CDK14: variants seen among roughly 807,000 people sequenced by gnomAD.
The protein encoded by CDK14 is cyclin-dependent kinase 14.
A neutral mutation model predicts 60.7 loss-of-function variants in CDK14; 34 were observed. The ratio of observed to expected loss-of-function variants is 0.56; its 90% CI spans 0.43 to 0.75. The LOEUF (loss-of-function observed/expected upper bound fraction) is 0.75, where lower values mean the gene tolerates loss of function less well. Among genes scored for constraint, CDK14 ranks in the 30% least tolerant of loss-of-function variants. The pLI, the probability that CDK14 is intolerant of heterozygous loss-of-function variation, is 0.00. For synonymous variants in CDK14, 197 were observed against 203.7 expected (o/e 0.97, Z 0.28); for missense variants, 482 against 564.1 (o/e 0.85, Z 1.47).
chr7:90,670,456 C>G (rs909684221), intron 2 of CDK14, among the ~76,000 whole-genome samples: 2 of 152,110 alleles, frequency 1.3e-5, no homozygotes, highest in African/African-American at 4.8e-5. Context: ...ACTATTCTTG[C>G]ATTGCTATAA....
intron 10 of CDK14, among the ~76,000 whole-genome samples, chr7:91,041,016 A>C (rs1487399070): frequency 6.6e-6 from 1 of 152,132 alleles, no homozygotes; most frequent in Non-Finnish European, 1.5e-5. Flanking sequence ...TCTTTTTCTC[A>C]GTATCTTCTC....
At chr7:90,667,028 ATTTTAT>A (rs1234222407) in intron 2 of CDK14, among the ~76,000 whole-genome samples, 1 of 152,104 alleles carries the variant, frequency 6.6e-6, no homozygotes, top group Non-Finnish European at 1.5e-5. Context: ...TTGCTGAACT[ATTTTAT>A]TTTTATTTAT....
At chr7:91,077,495 G>C (rs1445119910) in intron 11 of CDK14, among the ~76,000 whole-genome samples, 5 of 151,722 alleles carry the variant, frequency 3.3e-5, no homozygotes, top group Non-Finnish European at 5.9e-5. Context: ...CTGTTGGGGA[G>C]TCAGGGGGCG....
chr7:90,786,766 T>TC (rs397732562), intron 4 of CDK14, among the ~76,000 whole-genome samples: 1 of 150,854 alleles, frequency 6.6e-6, no homozygotes, highest in Non-Finnish European at 1.5e-5. Context: ...TTTTTTTTTT[T>TC]AAATTAGCCT....
In CDK14 at chr7:90,906,057, C is replaced by T. The variant is rs374951986; in HGVS notation, c.702+6704C>T. On this transcript the variant is annotated intron_variant, in intron 7 of 14. Transcript: ENST00000380050. ...CAGGTGAAATTATTCTCAAAAAATT[C>T]GGACTATGACATAGTGACAGATATG... 1.1e-4 allele frequency among the ~76,000 whole-genome samples: 16 copies of T among 152,160 alleles called. No individual in the cohort carries two copies. The East Asian group carries it at 1.4e-3, about 13-fold the overall frequency.
chr7:90,795,976 TTGGC>T (rs1788411070), intron 5 of CDK14, among the ~76,000 whole-genome samples: 1 of 152,110 alleles, frequency 6.6e-6, no homozygotes, highest in Non-Finnish European at 1.5e-5. Flanking sequence ...CTTATTCACT[TTGGC>T]TGGGTGTGAG....
Position 91,179,505 on chromosome 7 carries a change from TA to T in CDK14, c.*29-27648del, listed in dbSNP as rs71107809. On this transcript the variant is annotated intron_variant, in intron 14 of 14. Transcript: ENST00000380050. Reference sequence around the variant, plus strand: ...TGTACCCTAAAACTTAAAGTATAATTAAAAAAAAAAAATGCAGCCCGGCGCA... The same window carrying T: ...TGTACCCTAAAACTTAAAGTATAATTAAAAAAAAAAATGCAGCCCGGCGCA... Among the ~76,000 whole-genome samples the T allele has an allele frequency of 3.1e-4, 46 of 147,552 alleles. 1 individual carries two copies. The highest frequency in any genetic ancestry group is 2.2e-3 in the East Asian group (11 of 5,052).
At chr7:91,105,318 A>G (rs1584066184) in intron 12 of CDK14, among the ~76,000 whole-genome samples, 1 of 152,218 alleles carries the variant, frequency 6.6e-6, no homozygotes, top group East Asian at 1.9e-4. Flanking sequence ...GGGACCCTCA[A>G]AGCACATTAG....
chr7:90,956,474 G>A (rs1374437249), intron 9 of CDK14, among the ~76,000 whole-genome samples: 3 of 152,038 alleles, frequency 2.0e-5, no homozygotes, highest in Admixed American at 6.6e-5. Context: ...AATCAAATAA[G>A]GGAATAATCT....
intron 14 of CDK14, among the ~76,000 whole-genome samples, chr7:91,139,064 A>G (rs1193615702): frequency 6.6e-6 from 1 of 152,226 alleles, no homozygotes; most frequent in Non-Finnish European, 1.5e-5. Context: ...CAAGTGAATC[A>G]GCCCTACATC....
chr7:91,118,273 A>G, intron 14 of CDK14, 65 bp downstream of exon 14: 2 of 741,316 alleles, frequency 2.7e-6, no homozygotes, highest in East Asian at 5.3e-5. Flanking sequence ...CTTTAAGTGA[A>G]ATATTTCAGA....
intron 5 of CDK14, among the ~76,000 whole-genome samples, chr7:90,809,111 C>T (rs961539161): frequency 6.6e-6 from 1 of 152,128 alleles, no homozygotes; most frequent in Non-Finnish European, 1.5e-5. Context: ...CAGCTCTACA[C>T]CAAGTGGACC....
chr7:90,746,341 C>A (rs548504281), intron 3 of CDK14, among the ~76,000 whole-genome samples: 1 of 152,188 alleles, frequency 6.6e-6, no homozygotes, highest in East Asian at 1.9e-4. Flanking sequence ...CATAAAATCC[C>A]AATAAATAGT....
At chr7:91,188,631 T>C (rs1280217096) in intron 14 of CDK14, among the ~76,000 whole-genome samples, 1 of 152,208 alleles carries the variant, frequency 6.6e-6, no homozygotes, top group Non-Finnish European at 1.5e-5. Flanking sequence ...AATTTCAGAA[T>C]CTCTAAAGTT....
chr7:90,813,577 G>A (rs540237160), intron 5 of CDK14, among the ~76,000 whole-genome samples: 4 of 152,090 alleles, frequency 2.6e-5, no homozygotes, highest in Non-Finnish European at 4.4e-5. Context: ...GCAAAACCCC[G>A]TCTCTACTAA....
chr7:90,975,993 G>A, intron 9 of CDK14, among the ~76,000 whole-genome samples: 1 of 152,128 alleles, frequency 6.6e-6, no homozygotes, highest in East Asian at 1.9e-4. Flanking sequence ...TAGTTCTGCA[G>A]TGAACATGGG....
intron 11 of CDK14, among the ~76,000 whole-genome samples, chr7:91,062,772 C>G (rs1467322222): frequency 1.3e-5 from 2 of 152,060 alleles, no homozygotes; most frequent in African/African-American, 2.4e-5. Context: ...ACAAACCACC[C>G]CAAAGGTGTA....
intron 2 of CDK14, among the ~76,000 whole-genome samples, chr7:90,637,347 T>C (rs1351927257): frequency 2.4e-4 from 37 of 152,176 alleles, no homozygotes; most frequent in African/African-American, 8.9e-4. Flanking sequence ...TTTGTTCTTG[T>C]TGGTTTCAAA....
chr7:91,044,204 G>A (rs961904455), intron 10 of CDK14, among the ~76,000 whole-genome samples: 3 of 151,956 alleles, frequency 2.0e-5, no homozygotes, highest in Admixed American at 6.6e-5. Context: ...CATGTAAGAT[G>A]TATATTGGTT....
Sources: allele counts gnomAD v4.1 joint callset (sites outside exome capture counted in the v4.1 genomes callset), GRCh38; gene constraint gnomAD v4.1.1; transcripts MANE v1.5; gene names NCBI Gene and HGNC (gene_info 2026-07-23, HGNC 2026-07-21).